HTRA1: variants seen among roughly 807,000 people sequenced by gnomAD.
The protein encoded by HTRA1 is HtrA serine peptidase 1, also known as serine protease HTRA1.
HTRA1 carries 26 observed loss-of-function variants against 49.7 expected under a neutral mutation model. The observed-to-expected ratio is 0.52, with a 90% CI of 0.38 to 0.73. HTRA1 has a LOEUF of 0.73. Ranked by LOEUF, HTRA1 falls within the 30% of genes least tolerant of loss-of-function variation. The pLI is 0.00. For synonymous variants in HTRA1, 291 were observed against 286.9 expected, an observed-to-expected ratio of 1.01 and a Z score of -0.14; for missense variants, 561 against 667.2, an observed-to-expected ratio of 0.84 and a Z score of 1.75.
Position 122,508,685 on chromosome 10 carries a change from G to A in HTRA1, c.1035G>A (p.Leu345=). The A allele has an allele frequency of 6.2e-7, 1 of 1,613,570 alleles. No homozygotes were observed. Among genetic ancestry groups the A allele is most frequent in the African/African-American group, 1.3e-5 (1 of 75,056 alleles). The change falls in exon 6 of 9, where the codon TTG becomes TTA. Residue 345 remains leucine, a synonymous_variant. Transcript: ENST00000368984. ...GTGAAGTGATTGGAATTAACACTTT[G>A]AAAGTGACAGCTGGAATCTCCTTTG... ...LDGEVIGINT[L]KVTAGISFAI...
In HTRA1 at chr10:122,494,001, C is replaced by T. The variant is rs773169065; in HGVS notation, c.777+4375C>T. Among the ~76,000 whole-genome samples the T allele has an allele frequency of 2.0e-5, 3 of 152,144 alleles. No homozygotes were observed. The highest frequency in any genetic ancestry group is 4.4e-5 in the Non-Finnish European group (3 of 68,032). ...CAGCCAACCTTCCTGTCCTTCAGGC[C>T]TCTGATTAAATTCTGCCTTAGACAT... is the stretch of plus-strand genomic sequence containing the variant. On this transcript the variant is annotated intron_variant, in intron 3 of 8. Transcript: ENST00000368984. The surrounding 1 kb of genome is among the most constrained non-coding windows in gnomAD (Gnocchi z 4.0).
chr10:122,483,580 A>G (rs2097491941), intron 1 of HTRA1, among the ~76,000 whole-genome samples: 1 of 152,218 alleles, frequency 6.6e-6, no homozygotes, highest in Non-Finnish European at 1.5e-5. Context: ...CTCTCCACAT[A>G]TATTTTTGAA....
At chr10:122,504,720 A>G (rs949574435) in intron 3 of HTRA1, among the ~76,000 whole-genome samples, 6 of 152,216 alleles carry the variant, frequency 3.9e-5, no homozygotes, top group African/African-American at 1.4e-4. Context: ...CCTGCACGCC[A>G]TGAGTGCTGA....
intron 1 of HTRA1, among the ~76,000 whole-genome samples, chr10:122,473,290 G>C (rs564984634): frequency 6.6e-6 from 1 of 152,142 alleles, no homozygotes. Context: ...GGACCAGTGA[G>C]GTGACCTGAA....
chr10:122,466,126 A>G (rs537724298), intron 1 of HTRA1, among the ~76,000 whole-genome samples: 7 of 152,274 alleles, frequency 4.6e-5, no homozygotes, highest in African/African-American at 1.4e-4. Context: ...CCAAGGGCTT[A>G]GATGGTTGCT....
Position 122,461,729 on chromosome 10 carries a change from G to C in HTRA1, c.77G>C (p.Arg26Pro), listed in dbSNP as rs190036021. ...GCGCCCGCCTCGGCGCAGCTGTCCCGGGCCGGCCGCTCGGCGCCTTTGGCC... is the reference window on the plus strand; with the variant it reads ...GCGCCCGCCTCGGCGCAGCTGTCCCCGGCCGGCCGCTCGGCGCCTTTGGCC... ...LAAPASAQLSRAGRSAPLAAG... is the reference protein window; with the variant it reads ...LAAPASAQLSPAGRSAPLAAG... Residue 26 changes from arginine (R) to proline (P), a missense_variant, in exon 1 of 9, where the codon CGG becomes CCG. Physicochemically the swap from Arg to Pro is moderately radical, Grantham distance 103. This residue lies in a region of HTRA1 where 111 missense variants were observed against 83.7 expected (regional missense o/e 1.33). Transcript: ENST00000368984. The C allele has an allele frequency of 1.7e-5, 20 of 1,181,664 alleles. No homozygotes were observed. In the East Asian group the frequency reaches 8.1e-4, roughly 48 times the overall value. The allele number at this position is 1,181,664 out of a possible 1,614,324, so 73.2% of individuals were successfully genotyped here.
chr10:122,501,333 G>T (rs1180733105), intron 3 of HTRA1, among the ~76,000 whole-genome samples: 1 of 152,168 alleles, frequency 6.6e-6, no homozygotes, highest in Non-Finnish European at 1.5e-5. Context: ...TTCCTTTTAA[G>T]CAGATTAGCA....
chr10:122,512,675 G>T (rs72834497), intron 8 of HTRA1, among the ~76,000 whole-genome samples: 10,794 of 152,262 alleles, frequency 0.071, 503 homozygotes, highest in East Asian at 0.2. Context: ...GCTAAGAATA[G>T]TTTTTGCATT....
At position 122,488,880 on chromosome 10, in the gene HTRA1, T is replaced by A. The variant is rs371332179; in HGVS notation, c.473-22T>A. 8 of 1,582,510 alleles carry A rather than the reference T, an allele frequency of 5.1e-6. No homozygotes were observed. The African/African-American group carries it at 6.7e-5, about 13-fold the overall frequency. On this transcript the variant is annotated intron_variant, in intron 1 of 8. Transcript: ENST00000368984. ...CCACAGCAGAGTGTCATTAAGTATC[T>A]ATTCTTTGCTTTTGTTCTCAGGGCA... is the stretch of plus-strand genomic sequence containing the variant.
At chr10:122,503,130 G>A (rs936080283) in intron 3 of HTRA1, among the ~76,000 whole-genome samples, 2 of 152,218 alleles carry the variant, frequency 1.3e-5, no homozygotes, top group African/African-American at 2.4e-5. Context: ...TGGGTGGCGC[G>A]GGAACCAGCC....
At chr10:122,499,941 A>C (rs931526624) in intron 3 of HTRA1, among the ~76,000 whole-genome samples, 4 of 152,246 alleles carry the variant, frequency 2.6e-5, no homozygotes, top group Admixed American at 6.5e-5. Flanking sequence ...TTCAGCAACA[A>C]CAATATTTTT....
intron 1 of HTRA1, among the ~76,000 whole-genome samples, chr10:122,463,260 G>C (rs777962609): frequency 6.6e-6 from 1 of 152,240 alleles, no homozygotes; most frequent in Non-Finnish European, 1.5e-5. Context: ...TTACGTGGAC[G>C]GGAAGATGCC....
At chr10:122,489,724 G>A (rs2097494883) in intron 3 of HTRA1, 98 bp downstream of exon 3, 4 of 1,142,562 alleles carry the variant, frequency 3.5e-6, no homozygotes, top group East Asian at 2.5e-5. Context: ...ATTCTCGGGG[G>A]GCACTGAAGC....
At position 122,461,834 on chromosome 10, in the gene HTRA1, CGT is replaced by C. The variant is rs2097481521; in HGVS notation, c.184_185del (p.Cys62ArgfsTer106). The C allele has an allele frequency of 1.3e-5, 15 of 1,130,910 alleles. No individual in the cohort carries two copies. The highest frequency in any genetic ancestry group is 1.6e-5 in the Non-Finnish European group (15 of 926,138). The allele number at this position is 1,130,910 out of a possible 1,614,324, so 70.1% of individuals were successfully genotyped here. ...TGCGAGGGCGGCCGGGCCCGGGACG[CGT>C]GCGGCTGCTGCGAGGTGTGCGGCGC... On this transcript the variant is annotated frameshift_variant, in exon 1 of 9. Coordinates refer to ENST00000368984, the MANE Select transcript of HTRA1 (RefSeq NM_002775.5). LOFTEE classifies it high-confidence loss of function.
intron 1 of HTRA1, among the ~76,000 whole-genome samples, chr10:122,476,963 A>C (rs966902459): frequency 2.8e-5 from 3 of 108,496 alleles, no homozygotes; most frequent in South Asian, 6.0e-4. Flanking sequence ...CTTTATAGTT[A>C]CTTTTTTTTT....
At chr10:122,498,202 T>A (rs896855668) in intron 3 of HTRA1, among the ~76,000 whole-genome samples, 3 of 152,078 alleles carry the variant, frequency 2.0e-5, no homozygotes, top group African/African-American at 7.2e-5. Context: ...TCCTTTTTTC[T>A]CCCTTCATCT....
Position 122,514,565 on chromosome 10 carries a change from G to C in HTRA1, c.*206G>C, listed in dbSNP as rs2097507079. 1 of 606,578 alleles carries C rather than the reference G, an allele frequency of 1.6e-6. No homozygotes were observed. Among genetic ancestry groups the C allele is most frequent in the African/African-American group, 1.8e-5 (1 of 54,620 alleles). The allele number at this position is 606,578 out of a possible 1,614,324, so 37.6% of individuals were successfully genotyped here. ...TTGCAGATCCGCAGGCAGAAGCTCT[G>C]CCCTTCTGTATCCTATGTATGCAGT... is the stretch of plus-strand genomic sequence containing the variant. On this transcript the variant is annotated 3_prime_UTR_variant, in exon 9 of 9. Transcript: ENST00000368984.
intron 1 of HTRA1, among the ~76,000 whole-genome samples, chr10:122,480,946 A>T (rs772598875): frequency 6.6e-6 from 1 of 152,192 alleles, no homozygotes; most frequent in Non-Finnish European, 1.5e-5. Flanking sequence ...CAGAAAAATA[A>T]GATTAAAAAA....
intron 8 of HTRA1, among the ~76,000 whole-genome samples, chr10:122,513,271 G>A (rs1025645579): frequency 7.9e-5 from 12 of 152,004 alleles, no homozygotes; most frequent in Admixed American, 3.9e-4. Flanking sequence ...GAAACATTCC[G>A]CCCACCCCTA....
Sources: gnomAD v4.1 joint callset for allele counts (sites outside exome capture counted in the v4.1 genomes callset) on GRCh38, gnomAD v4.1.1 for gene constraint, gnomAD v4.1.1 regional missense constraint, Gnocchi (gnomAD v3.1) non-coding constraint, MANE v1.5 for transcripts, NCBI Gene and HGNC (gene_info 2026-07-23, HGNC 2026-07-21) for gene names.